The following SUGP2 variants were observed in gnomAD, a reference collection of about 807,000 sequenced individuals.
SUGP2 encodes the protein SURP and G-patch domain containing 2.
Under a neutral mutation model 90.5 loss-of-function variants are expected in SUGP2, and 24 were observed. The ratio of observed to expected loss-of-function variants is 0.27; its 90% confidence interval spans 0.19 to 0.37. The LOEUF (loss-of-function observed/expected upper bound fraction) is 0.37, where lower values mean the gene tolerates loss of function less well. SUGP2 is among the 10% of genes least tolerant of loss of function. The probability of loss-of-function intolerance (pLI) is 1.00; values close to 1 mark genes in which losing one functional copy is unlikely to be tolerated. For missense variants in SUGP2, 1,233 were observed against 1,363.3 expected (o/e 0.90, Z 1.51); for synonymous variants, 473 against 513.4 (o/e 0.92, Z 1.06).
intron 4 of SUGP2, among the ~76,000 whole-genome samples, chr19:19,013,751 T>C (rs1330569561): frequency 6.6e-6 from 1 of 152,240 alleles, no homozygotes; most frequent in Non-Finnish European, 1.5e-5. Context: ...TGTGAACACG[T>C]AGGACCTGGT....
At position 19,025,839 on chromosome 19, in the gene SUGP2, A is replaced by G; in HGVS notation, c.509T>C (p.Leu170Ser). The G allele has an allele frequency of 6.2e-7, 1 of 1,614,098 alleles. No individual in the cohort carries two copies. Among genetic ancestry groups the G allele is most frequent in the Non-Finnish European group, 8.5e-7 (1 of 1,180,020 alleles). ...QEYSFGPSAV[L>S]GDFGSSRLIE... ...CAGCCTGGAAGATCCAAAGTCCCCC[A>G]AAACTGCAGAGGGACCAAAACTATA... The change falls in exon 3 of 11, where the codon TTG (leucine) becomes TCG (serine). Residue 170 changes from leucine to serine, a missense_variant. By Grantham distance (145) the Leu-to-Ser change is moderately radical. This residue lies in a region of SUGP2 where 418 missense variants were observed against 399.9 expected (regional missense o/e 1.05). Coordinates refer to ENST00000452918, the MANE Select transcript of SUGP2 (RefSeq NM_001017392.5).
chr19:19,010,564 T>C (rs1039458670), intron 4 of SUGP2, among the ~76,000 whole-genome samples: 4 of 152,158 alleles, frequency 2.6e-5, no homozygotes, highest in Non-Finnish European at 5.9e-5. Context: ...AGTTCCTCCT[T>C]GATTTCCATC....
In SUGP2 at chr19:19,024,565, A is replaced by G. The variant is rs1166332462; in HGVS notation, c.1729+54T>C. On this transcript the variant is annotated intron_variant, in intron 3 of 10. Coordinates refer to ENST00000452918, the MANE Select transcript of SUGP2 (RefSeq NM_001017392.5). ...TGTAAAAAAATCTCGAATAAAAGAC[A>G]TTACCAAAGAAACACGAAAAACAAC... The G allele has an allele frequency of 3.9e-6, 6 of 1,538,378 alleles. No homozygotes were observed. The Admixed American group carries it at 1.1e-4, about 27-fold the overall frequency.
intron 5 of SUGP2, among the ~76,000 whole-genome samples, chr19:19,009,449 C>G (rs768884041): frequency 2.6e-5 from 4 of 152,148 alleles, no homozygotes; most frequent in Non-Finnish European, 5.9e-5. Flanking sequence ...ACCCCAAGAA[C>G]AGGAACTGTG....
At chr19:19,017,787 A>T (rs1024099370) in intron 4 of SUGP2, among the ~76,000 whole-genome samples, 2 of 151,692 alleles carry the variant, frequency 1.3e-5, no homozygotes, top group Admixed American at 1.3e-4. Context: ...ATAATAATAA[A>T]AATAAAAAGT....
chr19:18,994,266 T>C (rs893290964), intron 10 of SUGP2, 100 bp downstream of exon 10: 2 of 1,495,896 alleles, frequency 1.3e-6, no homozygotes, highest in Non-Finnish European at 1.8e-6. Flanking sequence ...TGTGGCATTT[T>C]TGGGGGAGCA....
rs1341373751 is a variant in SUGP2, at chr19:19,018,315, G to A, written c.1850+794C>T. On this transcript the variant is annotated intron_variant, in intron 4 of 10. Coordinates refer to ENST00000452918, the MANE Select transcript of SUGP2 (RefSeq NM_001017392.5). Reference sequence around the variant, plus strand: ...CCACTGTACTCCAGCCTGGGTGACAGAGCAAGACTCTTTCTCTGGCTTGTT... The same window carrying A: ...CCACTGTACTCCAGCCTGGGTGACAAAGCAAGACTCTTTCTCTGGCTTGTT... Among the ~76,000 whole-genome samples, 9 of 152,062 alleles carry A rather than the reference G, an allele frequency of 5.9e-5. No individual in the cohort carries two copies. The East Asian group carries it at 1.2e-3, about 20-fold the overall frequency.
At chr19:19,005,095 G>A (rs934259625) in intron 6 of SUGP2, among the ~76,000 whole-genome samples, 3 of 152,158 alleles carry the variant, frequency 2.0e-5, no homozygotes, top group Non-Finnish European at 4.4e-5. Flanking sequence ...CCATGGAACC[G>A]TAAGGTGCCC....
chr19:18,998,585 T>C (rs2057703487), intron 8 of SUGP2, among the ~76,000 whole-genome samples: 6 of 151,626 alleles, frequency 4.0e-5, no homozygotes, highest in Admixed American at 1.3e-4. Flanking sequence ...GCTGTGTGTG[T>C]GTATGCATGT....
intron 1 of SUGP2, 192 bp downstream of exon 1, chr19:19,033,245 G>C (rs1453099538): frequency 6.4e-6 from 3 of 472,022 alleles, no homozygotes; most frequent in African/African-American, 2.1e-5. Context: ...CTGCGGGCGA[G>C]GAAATGGGGG....
chr19:19,031,028 A>G lies in SUGP2; in HGVS notation c.44T>C (p.Leu15Ser), dbSNP rs1486804328. ...RITQETFDAV[L>S]QEKAKRYHMD... Reference sequence around the variant, plus strand: ...GTGATATCGTTTGGCTTTTTCTTGTAATACAGCATCAAAAGTCTCCTGTGT... The same window carrying G: ...GTGATATCGTTTGGCTTTTTCTTGTGATACAGCATCAAAAGTCTCCTGTGT... Residue 15 changes from leucine to serine, a missense_variant, in exon 2 of 11, where the codon TTA becomes TCA. Physicochemically the swap from Leu to Ser is moderately radical, Grantham distance 145. Transcript: ENST00000452918. 6 of 1,613,862 alleles carry G rather than the reference A, an allele frequency of 3.7e-6. No homozygotes were observed. Among genetic ancestry groups the G allele is most frequent in the Non-Finnish European group, 5.1e-6 (6 of 1,180,002 alleles).
chr19:19,029,623 T>C (rs1333682663), intron 2 of SUGP2, among the ~76,000 whole-genome samples: 1 of 149,994 alleles, frequency 6.7e-6, no homozygotes, highest in African/African-American at 2.5e-5. Context: ...TTTTTTTTGA[T>C]TTTTAGTAAA....
intron 2 of SUGP2, among the ~76,000 whole-genome samples, chr19:19,029,938 G>A (rs2059086320): frequency 6.7e-6 from 1 of 150,282 alleles, no homozygotes; most frequent in Non-Finnish European, 1.5e-5. Flanking sequence ...ACAAGACTCT[G>A]TCTCAAATAA....
At chr19:18,995,641 C>G (rs1051978692) in intron 8 of SUGP2, among the ~76,000 whole-genome samples, 1 of 152,136 alleles carries the variant, frequency 6.6e-6, no homozygotes, top group African/African-American at 2.4e-5. Context: ...GACCACAGGG[C>G]GCAGCCCAGG....
intron 6 of SUGP2, among the ~76,000 whole-genome samples, chr19:19,007,715 C>T (rs926173385): frequency 1.3e-5 from 2 of 150,006 alleles, no homozygotes; most frequent in Non-Finnish European, 2.9e-5. Context: ...CTCAGCCTCC[C>T]AAAGTGCGGG....
chr19:19,022,592 C>T (rs2058768061), intron 3 of SUGP2, among the ~76,000 whole-genome samples: 1 of 152,202 alleles, frequency 6.6e-6, no homozygotes, highest in African/African-American at 2.4e-5. Context: ...AGCATGCCTG[C>T]AGCTGCAGGA....
chr19:18,997,504 G>T (rs576207434), intron 8 of SUGP2, among the ~76,000 whole-genome samples: 45 of 152,310 alleles, frequency 3.0e-4, no homozygotes, highest in Admixed American at 8.5e-4. Context: ...ATACCCTAAG[G>T]CTGGGCGCGG....
intron 3 of SUGP2, among the ~76,000 whole-genome samples, 197 bp from the exon 4 acceptor site, chr19:19,019,426 A>C (rs1370506267): frequency 6.6e-6 from 1 of 152,232 alleles, no homozygotes; most frequent in Non-Finnish European, 1.5e-5. Context: ...ATGTAACAGT[A>C]TAACCACTAG....
Position 19,010,133 on chromosome 19 carries a change from C to T in SUGP2, c.2060G>A (p.Gly687Glu), listed in dbSNP as rs2058251572. 1.9e-6 allele frequency: 3 copies of T among 1,612,212 alleles called. No individual in the cohort carries two copies. Among genetic ancestry groups the T allele is most frequent in the African/African-American group, 1.3e-5 (1 of 74,780 alleles). The part of the protein sequence containing the change: ...WQRRGLLRAQ[G>E]LRGWKARRAT... ...TCTCCTCGCCTTCCAGCCCCGGAGCCCTTGAGCACGGAGGAGCCCCCGCCG... is the reference window on the plus strand; with the variant it reads ...TCTCCTCGCCTTCCAGCCCCGGAGCTCTTGAGCACGGAGGAGCCCCCGCCG... Residue 687 changes from glycine (G) to glutamate (E), a missense_variant, in exon 5 of 11, where the codon GGG (glycine) becomes GAG (glutamate). Transcript: ENST00000452918.
Sources: gnomAD v4.1 joint callset for allele counts (sites outside exome capture counted in the v4.1 genomes callset) on GRCh38, gnomAD v4.1.1 for gene constraint, gnomAD v4.1.1 regional missense constraint, MANE v1.5 for transcripts, NCBI Gene and HGNC (gene_info 2026-07-23, HGNC 2026-07-21) for gene names.